TMEM198: variants seen among roughly 807,000 people sequenced by gnomAD.
TMEM198 encodes the protein transmembrane protein 198.
Under a neutral mutation model 31.5 loss-of-function variants are expected in TMEM198, and 21 were observed. The ratio of observed to expected loss-of-function variants is 0.67; its 90% CI spans 0.47 to 0.96. The LOEUF (loss-of-function observed/expected upper bound fraction) is 0.96, where lower values mean the gene tolerates loss of function less well. Among genes scored for constraint, TMEM198 ranks in the 40% least tolerant of loss-of-function variants. The pLI is 0.00. For synonymous variants in TMEM198, 211 were observed against 223.3 expected (o/e 0.95, Z 0.49); for missense variants, 447 against 499.4 (o/e 0.89, Z 1.00).
In TMEM198 at chr2:219,549,835, G is replaced by A. The variant is rs771359731; in HGVS notation, c.1064G>A (p.Gly355Asp). ...CGGGGACCTCTGACAGCCTGCTCAG[G>A]CCCCCCAGTGCGGGTATAGCCATAT... Reference protein sequence around the residue: ...GSRGPLTACSGPPVRV With the variant: ...GSRGPLTACSDPPVRV The change falls in exon 5 of 5, where the codon GGC (glycine) becomes GAC (aspartate). Residue 355 changes from glycine to aspartate, a missense_variant. Gly to Asp is a moderately conservative substitution (Grantham distance 94, BLOSUM62 -1). Transcript: ENST00000373883. The A allele has an allele frequency of 2.2e-5, 35 of 1,613,884 alleles. No individual in the cohort carries two copies. Among genetic ancestry groups the A allele is most frequent in the Middle Eastern group, 1.6e-4 (1 of 6,084 alleles).
chr2:219,544,747 C>G lies in TMEM198; in HGVS notation c.20C>G (p.Thr7Arg). Residue 7 changes from threonine (T) to arginine (R), a missense_variant, in exon 2 of 5, where the codon ACA (threonine) becomes AGA (arginine). Transcript: ENST00000373883. ...AGCACTATGCCGGGGACTGTGGCAA[C>G]ACTGCGGTTCCAGCTGCTGCCCCCT... MPGTVATLRFQLLPPEP... is the reference protein window; with the variant it reads MPGTVARLRFQLLPPEP... 8 of 1,614,024 alleles carry G rather than the reference C, an allele frequency of 5.0e-6. No homozygotes were observed. Among genetic ancestry groups the G allele is most frequent in the Non-Finnish European group, 6.8e-6 (8 of 1,180,010 alleles).
At position 219,547,891 on chromosome 2, in the gene TMEM198, C is replaced by T. The variant is rs528953796; in HGVS notation, c.552C>T (p.Ile184=). The T allele has an allele frequency of 2.0e-4, 326 of 1,595,916 alleles. 3 individuals carry two copies. The South Asian group carries it at 3.0e-3, about 15-fold the overall frequency. ...CCGCCGTGACTGGTGCTGCGCTGAT[C>T]GCCACTGCCGCTGACTACTTCGCCG... The part of the protein sequence containing the change: ...LATAVTGAAL[I]ATAADYFAEL... The change falls in exon 3 of 5, where the codon ATC becomes ATT. Residue 184 remains isoleucine, a synonymous_variant. Transcript: ENST00000373883.
At chr2:219,543,742 C>T (rs962537219), upstream of TMEM198, 10 of 456,136 alleles carry the variant, frequency 2.2e-5, no homozygotes, top group Non-Finnish European at 3.8e-5. Context: ...CTGCTCTGGG[C>T]TGCGCAGGGT....
intron 1 of TMEM198, 69 bp from the exon 2 acceptor site, chr2:219,544,620 A>G: frequency 1.5e-6 from 2 of 1,348,226 alleles, no homozygotes; most frequent in Non-Finnish European, 2.1e-6. Context: ...AGTTCTCCCA[A>G]TCCCTCTCCC....
At chr2:219,544,554 A>G in intron 1 of TMEM198, 135 bp from the exon 2 acceptor site, 2 of 709,520 alleles carry the variant, frequency 2.8e-6, no homozygotes, top group South Asian at 3.7e-5. Flanking sequence ...CACTCCAGAG[A>G]TGCTTCCGGA....
At position 219,544,742 on chromosome 2, in the gene TMEM198, G is replaced by A; in HGVS notation, c.15G>A (p.Val5=). 1 of 1,613,936 alleles carries A rather than the reference G, an allele frequency of 6.2e-7. No individual in the cohort carries two copies. The highest frequency in any genetic ancestry group is 8.5e-7 in the Non-Finnish European group (1 of 1,180,008). The change falls in exon 2 of 5, where the codon GTG becomes GTA. Residue 5 remains valine, a synonymous_variant. Coordinates refer to ENST00000373883, the MANE Select transcript of TMEM198 (RefSeq NM_001005209.3). MPGT[V]ATLRFQLLPP... ...TTCCCAGCACTATGCCGGGGACTGTGGCAACACTGCGGTTCCAGCTGCTGC... is the reference window on the plus strand; with the variant it reads ...TTCCCAGCACTATGCCGGGGACTGTAGCAACACTGCGGTTCCAGCTGCTGC...
At position 219,547,947 on chromosome 2, in the gene TMEM198, A is replaced by G. The variant is rs201506311; in HGVS notation, c.608A>G (p.Glu203Gly). The change falls in exon 3 of 5, where the codon GAG becomes GGG. Residue 203 changes from glutamate (E) to glycine (G), a missense_variant. Coordinates refer to ENST00000373883, the MANE Select transcript of TMEM198 (RefSeq NM_001005209.3). ...CTACTGCTGGGGCGCTACGTGGTGG[A>G]GCGACTCCGGGCTGCTCCTGTGCCC... ...ELLLLGRYVV[E>G]RLRAAPVPPL... The G allele has an allele frequency of 1.9e-5, 31 of 1,592,482 alleles. No homozygotes were observed. In the Admixed American group the frequency reaches 4.3e-4, roughly 22 times the overall value.
At chr2:219,548,168 G>C in intron 3 of TMEM198, 87 bp downstream of exon 3, 1 of 1,224,494 alleles carries the variant, frequency 8.2e-7, no homozygotes, top group Non-Finnish European at 1.1e-6. Context: ...GTGGGGGACA[G>C]CAGCAGAAGG....
Position 219,549,928 on chromosome 2 carries a change from C to T in TMEM198, c.*74C>T. The T allele has an allele frequency of 6.4e-7, 1 of 1,566,204 alleles. No homozygotes were observed. Among genetic ancestry groups the T allele is most frequent in the Admixed American group, 1.7e-5 (1 of 57,388 alleles). On this transcript the variant is annotated 3_prime_UTR_variant, in exon 5 of 5. Coordinates refer to ENST00000373883, the MANE Select transcript of TMEM198 (RefSeq NM_001005209.3). ...GGAGGCCTGCTAGGCTGCCACTCAG[C>T]CTCCTGGCTTTGGCTGTCCCTCTCC...
rs775703279 is a variant in TMEM198, at chr2:219,547,698, T to C, written c.359T>C (p.Leu120Pro). 1.3e-6 allele frequency: 2 copies of C among 1,569,386 alleles called. No homozygotes were observed. Among genetic ancestry groups the C allele is most frequent in the Admixed American group, 3.5e-5 (2 of 57,636 alleles). Reference sequence around the variant, plus strand: ...CTAGTGCGCAGCGTGGGCCTCTTCCTGGTGGGGCTGCTGCTCGGCCTGCTG... The same window carrying C: ...CTAGTGCGCAGCGTGGGCCTCTTCCCGGTGGGGCTGCTGCTCGGCCTGCTG... ...AMLVRSVGLF[L>P]VGLLLGLLLA... The change falls in exon 3 of 5, where the codon CTG (leucine) becomes CCG (proline). Residue 120 changes from leucine (L) to proline (P), a missense_variant. Physicochemically the swap from Leu to Pro is moderately conservative, Grantham distance 98. Coordinates refer to ENST00000373883, the MANE Select transcript of TMEM198 (RefSeq NM_001005209.3).
In TMEM198 at chr2:219,547,389, A is replaced by G. The variant is rs1559126820; in HGVS notation, c.167-117A>G. 3.7e-6 allele frequency: 3 copies of G among 815,896 alleles called. No individual in the cohort carries two copies. In the African/African-American group the frequency reaches 5.3e-5, roughly 14 times the overall value. 50.5% of individuals were successfully genotyped at this position (815,896 alleles called of 1,614,324 possible). On this transcript the variant is annotated intron_variant, in intron 2 of 4. Transcript: ENST00000373883. ...GACTCCAGTGACCCTCAATTCTCTG[A>G]TCTTAGTGTCTTTGTCTCTGGTTCC...
chr2:219,549,054 C>G, intron 3 of TMEM198, 98 bp from the exon 4 acceptor site: 1 of 1,381,532 alleles, frequency 7.2e-7, no homozygotes, highest in Non-Finnish European at 1.0e-6. Flanking sequence ...CAAGAGGAAT[C>G]TGGAAGCCTA....
At chr2:219,548,492 T>C (rs1169628565) in intron 3 of TMEM198, among the ~76,000 whole-genome samples, 1 of 151,998 alleles carries the variant, frequency 6.6e-6, no homozygotes, top group African/African-American at 2.4e-5. Flanking sequence ...GAAGGCTGCT[T>C]GAAGGAGGTG....
In TMEM198 at chr2:219,548,068, C is replaced by T; in HGVS notation, c.729C>T (p.Asp243=). ...LVQWRVTAEG[D]SHTEVVISRQ... ...AGTGGAGGGTGACAGCTGAGGGGGA[C>T]TCCCACACGGAAGGTAAGGGGGCAC... is the stretch of plus-strand genomic sequence containing the variant. Residue 243 remains aspartate, a synonymous_variant, in exon 3 of 5, where the codon GAC becomes GAT. Coordinates refer to ENST00000373883, the MANE Select transcript of TMEM198 (RefSeq NM_001005209.3). The T allele has an allele frequency of 1.3e-6, 2 of 1,560,176 alleles. No individual in the cohort carries two copies. Among genetic ancestry groups the T allele is most frequent in the Non-Finnish European group, 1.7e-6 (2 of 1,153,718 alleles).
At chr2:219,549,627 G>C (rs1347626405) in intron 4 of TMEM198, 90 bp from the exon 5 acceptor site, 54 of 1,571,750 alleles carry the variant, frequency 3.4e-5, no homozygotes, top group Non-Finnish European at 4.2e-5. Context: ...GCAGTCTATA[G>C]AAGTGTCAGG....
intron 3 of TMEM198, among the ~76,000 whole-genome samples, chr2:219,548,512 C>T (rs1695443265): frequency 6.6e-6 from 1 of 152,126 alleles, no homozygotes; most frequent in Admixed American, 6.5e-5. Flanking sequence ...GATATGTAAG[C>T]AGGCACTTGA....
At chr2:219,546,034 A>G (rs1240593131) in intron 2 of TMEM198, among the ~76,000 whole-genome samples, 1 of 152,062 alleles carries the variant, frequency 6.6e-6, no homozygotes, top group Non-Finnish European at 1.5e-5. Flanking sequence ...ATGCAGCCTC[A>G]TATTCCCTCT....
At position 219,550,067 on chromosome 2, in the gene TMEM198, G is replaced by C; in HGVS notation, c.*213G>C. ...CCAAGAGGCTCCTGAGGAACTCGGGGTGTGAACCCCATTGGGGTGTGCTCA... is the reference window on the plus strand; with the variant it reads ...CCAAGAGGCTCCTGAGGAACTCGGGCTGTGAACCCCATTGGGGTGTGCTCA... On this transcript the variant is annotated 3_prime_UTR_variant, in exon 5 of 5. Transcript: ENST00000373883. 2 of 614,924 alleles carry C rather than the reference G, an allele frequency of 3.3e-6. No individual in the cohort carries two copies. Among genetic ancestry groups the C allele is most frequent in the Non-Finnish European group, 5.5e-6 (2 of 360,816 alleles). The allele number at this position is 614,924 out of a possible 1,614,324, so 38.1% of individuals were successfully genotyped here.
intron 2 of TMEM198, 127 bp from the exon 3 acceptor site, chr2:219,547,379 C>A: frequency 2.7e-6 from 2 of 753,740 alleles, no homozygotes; most frequent in African/African-American, 1.8e-5. Flanking sequence ...CAGTGACCCT[C>A]AATTCTCTGA....
Sources: allele counts gnomAD v4.1 joint callset (sites outside exome capture counted in the v4.1 genomes callset), GRCh38; gene constraint gnomAD v4.1.1; transcripts MANE v1.5; gene names NCBI Gene and HGNC (gene_info 2026-07-23, HGNC 2026-07-21).